Variants in CACNA2D2 observed in about 807,000 individuals in gnomAD.
The protein encoded by CACNA2D2 is calcium voltage-gated channel auxiliary subunit alpha2delta 2, also known as voltage-dependent calcium channel subunit alpha-2/delta-2.
Under a neutral mutation model 166.4 loss-of-function variants are expected in CACNA2D2, and 48 were observed. The ratio of observed to expected loss-of-function variants is 0.29; its 90% CI spans 0.23 to 0.37. CACNA2D2 has a LOEUF of 0.37. Ranked by LOEUF, CACNA2D2 falls within the 10% of genes least tolerant of loss-of-function variation. The pLI is 1.00. For synonymous variants in CACNA2D2, 561 were observed against 573.7 expected, an observed-to-expected ratio of 0.98 and a Z score of 0.32; for missense variants, 1,122 against 1,433.0, an observed-to-expected ratio of 0.78 and a Z score of 3.50.
intron 3 of CACNA2D2, among the ~76,000 whole-genome samples, chr3:50,407,721 G>A (rs1024617915): frequency 6.6e-6 from 1 of 152,188 alleles, no homozygotes; most frequent in East Asian, 1.9e-4. Flanking sequence ...CATGAGAGGA[G>A]AACAGTGAGC....
chr3:50,418,583 T>C (rs1461849285), intron 3 of CACNA2D2, among the ~76,000 whole-genome samples: 1 of 152,208 alleles, frequency 6.6e-6, no homozygotes, highest in East Asian at 1.9e-4. Context: ...GCAGGGCATG[T>C]GCAGGAAGCC....
At chr3:50,425,316 TCTA>T (rs753745676) in intron 3 of CACNA2D2, among the ~76,000 whole-genome samples, 17 of 152,226 alleles carry the variant, frequency 1.1e-4, no homozygotes, top group Non-Finnish European at 1.8e-4. Context: ...GGCTGGGAAC[TCTA>T]CTAAGATGCC....
intron 1 of CACNA2D2, among the ~76,000 whole-genome samples, chr3:50,484,762 T>C (rs1221955889): frequency 1.3e-5 from 2 of 152,264 alleles, no homozygotes; most frequent in East Asian, 3.9e-4. Context: ...GCCTCTGCCT[T>C]GGGCTGTGAG....
chr3:50,489,890 T>C (rs1442101886), intron 1 of CACNA2D2, among the ~76,000 whole-genome samples: 2 of 152,124 alleles, frequency 1.3e-5, no homozygotes, highest in Non-Finnish European at 2.9e-5. Flanking sequence ...TGGTGTTATT[T>C]ATTTGGCCTC....
At chr3:50,449,236 C>G (rs771685243) in intron 2 of CACNA2D2, among the ~76,000 whole-genome samples, 2 of 152,230 alleles carry the variant, frequency 1.3e-5, no homozygotes, top group Admixed American at 6.5e-5. Context: ...GGCAGCCCCC[C>G]ACCCCTGTGA....
chr3:50,435,455 G>T (rs188039553), intron 2 of CACNA2D2, among the ~76,000 whole-genome samples: 178 of 152,072 alleles, frequency 1.2e-3, no homozygotes, highest in Non-Finnish European at 2.1e-3. Flanking sequence ...AGAATAGGCT[G>T]CCACGACTGA....
intron 24 of CACNA2D2, 30 bp downstream of exon 24, chr3:50,368,108 C>T (rs756384410): frequency 2.0e-6 from 3 of 1,527,570 alleles, no homozygotes; most frequent in Non-Finnish European, 2.7e-6. Context: ...TGGGCACTGC[C>T]CAGAGCCAGC....
intron 1 of CACNA2D2, among the ~76,000 whole-genome samples, chr3:50,499,872 G>T (rs751538266): frequency 6.6e-6 from 1 of 152,148 alleles, no homozygotes; most frequent in South Asian, 2.1e-4. Flanking sequence ...GAGTCCAGGG[G>T]AACAGCAGCC....
intron 3 of CACNA2D2, among the ~76,000 whole-genome samples, chr3:50,412,459 G>C (rs546206208): frequency 3.5e-4 from 53 of 152,316 alleles, no homozygotes; most frequent in African/African-American, 1.3e-3. Context: ...CATTTCACCA[G>C]ATCGAAATCC....
chr3:50,450,141 A>C (rs1709030400), intron 2 of CACNA2D2, among the ~76,000 whole-genome samples: 2 of 152,286 alleles, frequency 1.3e-5, no homozygotes, highest in South Asian at 4.1e-4. Context: ...AATATTCTTG[A>C]TTTGCCCCCA....
At chr3:50,421,633 AC>A (rs547160865) in intron 3 of CACNA2D2, among the ~76,000 whole-genome samples, 15 of 152,202 alleles carry the variant, frequency 9.9e-5, no homozygotes, top group African/African-American at 2.6e-4. Context: ...CCTTGGTACT[AC>A]AGGGACACAG....
chr3:50,432,412 C>A (rs1483427715), intron 3 of CACNA2D2, among the ~76,000 whole-genome samples: 2 of 152,214 alleles, frequency 1.3e-5, no homozygotes, highest in Non-Finnish European at 2.9e-5. Context: ...AGTTCCAACA[C>A]AAGTTCAGGG....
chr3:50,431,992 A>C (rs1347794312), intron 3 of CACNA2D2, among the ~76,000 whole-genome samples: 1 of 151,740 alleles, frequency 6.6e-6, no homozygotes, highest in Non-Finnish European at 1.5e-5. Flanking sequence ...AAAAAAAAAA[A>C]AAAAAAAACA....
chr3:50,407,384 C>T (rs57259522), intron 3 of CACNA2D2, among the ~76,000 whole-genome samples: 5,166 of 152,220 alleles, frequency 0.034, 319 homozygotes, highest in African/African-American at 0.12. Context: ...GCCTGCCACT[C>T]GTGGGCTCTG....
At chr3:50,464,866 G>A (rs867053491) in intron 2 of CACNA2D2, among the ~76,000 whole-genome samples, 14 of 152,250 alleles carry the variant, frequency 9.2e-5, no homozygotes, top group South Asian at 2.1e-4. Flanking sequence ...CTCCTCTAGC[G>A]AACTGGGCTG....
chr3:50,407,507 G>A (rs531276094), intron 3 of CACNA2D2, among the ~76,000 whole-genome samples: 1 of 152,202 alleles, frequency 6.6e-6, no homozygotes, highest in African/African-American at 2.4e-5. Context: ...TGAAGAGACT[G>A]GGGCTTAGCT....
intron 2 of CACNA2D2, among the ~76,000 whole-genome samples, chr3:50,437,119 C>T (rs1046101355): frequency 2.6e-5 from 4 of 152,186 alleles, no homozygotes; most frequent in African/African-American, 9.7e-5. Flanking sequence ...TCCTCAACTT[C>T]TGCCTGCGGC....
chr3:50,412,826 T>C (rs1707083439), intron 3 of CACNA2D2, among the ~76,000 whole-genome samples: 2 of 152,230 alleles, frequency 1.3e-5, no homozygotes. Flanking sequence ...CGTGGAGTTT[T>C]ATCTGGAGGG....
intron 2 of CACNA2D2, among the ~76,000 whole-genome samples, chr3:50,450,313 G>A (rs1020585154): frequency 6.6e-6 from 1 of 151,972 alleles, no homozygotes; most frequent in African/African-American, 2.4e-5. Flanking sequence ...CTGTGCAAAT[G>A]GGCCCCAAGC....
Sources: gnomAD v4.1 joint callset for allele counts (sites outside exome capture counted in the v4.1 genomes callset) on GRCh38, gnomAD v4.1.1 for gene constraint, MANE v1.5 for transcripts, NCBI Gene and HGNC (gene_info 2026-07-23, HGNC 2026-07-21) for gene names.